Variants in ZNF346 observed in about 807,000 individuals in gnomAD.
ZNF346 encodes the protein zinc finger protein 346.
ZNF346 carries 23 observed loss-of-function variants against 33.7 expected under a neutral mutation model. The ratio of observed to expected loss-of-function variants is 0.68; its 90% confidence interval spans 0.49 to 0.97. The LOEUF (loss-of-function observed/expected upper bound fraction) is 0.97, where lower values mean the gene tolerates loss of function less well. ZNF346 is among the 50% of genes least tolerant of loss of function. ZNF346 has a pLI of 0.00. For synonymous variants in ZNF346, 134 were observed against 142.4 expected (o/e 0.94, Z 0.42); for missense variants, 340 against 371.1 (o/e 0.92, Z 0.69).
At chr5:177,053,135 G>C (rs559584188) in intron 5 of ZNF346, among the ~76,000 whole-genome samples, 1 of 152,086 alleles carries the variant, frequency 6.6e-6, no homozygotes, top group South Asian at 2.1e-4. Flanking sequence ...GGCCAATATG[G>C]TGAAACCCAG....
chr5:177,030,475 CG>C (rs1405509064), intron 1 of ZNF346, among the ~76,000 whole-genome samples: 1 of 151,678 alleles, frequency 6.6e-6, no homozygotes, highest in East Asian at 2.0e-4. Flanking sequence ...AAAAATTAGC[CG>C]GGCATGGTGG....
At chr5:177,057,836 A>ATTTAT (rs1312531106) in intron 5 of ZNF346, among the ~76,000 whole-genome samples, 22 of 150,132 alleles carry the variant, frequency 1.5e-4, no homozygotes. Flanking sequence ...TTATTTATTT[A>ATTTAT]TTGAGACAGA....
chr5:177,027,241 C>T (rs1344107337), intron 1 of ZNF346, among the ~76,000 whole-genome samples: 3 of 151,658 alleles, frequency 2.0e-5, no homozygotes, highest in Non-Finnish European at 2.9e-5. Context: ...TTCGTAGAGA[C>T]GGAGTTTCAC....
intron 1 of ZNF346, among the ~76,000 whole-genome samples, chr5:177,030,906 AT>A (rs760757696): frequency 0.018 from 1,905 of 103,514 alleles, 7 homozygotes; most frequent in African/African-American, 0.03. Flanking sequence ...GCTTAGTGTA[AT>A]TTTTTTTTTT....
At chr5:177,053,367 T>G (rs1322368121) in intron 5 of ZNF346, among the ~76,000 whole-genome samples, 1 of 148,602 alleles carries the variant, frequency 6.7e-6, no homozygotes, top group Admixed American at 6.8e-5. Flanking sequence ...CCTAAGCTGG[T>G]CATGAGCTCT....
At chr5:177,055,330 C>T (rs575882013) in intron 5 of ZNF346, among the ~76,000 whole-genome samples, 102 of 152,156 alleles carry the variant, frequency 6.7e-4, no homozygotes, top group African/African-American at 1.2e-3. Flanking sequence ...CCACCACACT[C>T]GGCCCTAATA....
intron 1 of ZNF346, among the ~76,000 whole-genome samples, chr5:177,037,944 T>C (rs1257604899): frequency 6.6e-6 from 1 of 152,188 alleles, no homozygotes; most frequent in African/African-American, 2.4e-5. Context: ...TTCACCATAT[T>C]CCAGGCATAG....
chr5:177,029,008 C>T (rs917851341), intron 1 of ZNF346, among the ~76,000 whole-genome samples: 3 of 151,484 alleles, frequency 2.0e-5, no homozygotes, highest in Non-Finnish European at 2.9e-5. Context: ...CGTGAGCCAC[C>T]GCACCCGGCC....
intron 6 of ZNF346, among the ~76,000 whole-genome samples, chr5:177,063,407 CCT>C (rs1782788519): frequency 6.6e-6 from 1 of 152,162 alleles, no homozygotes; most frequent in Non-Finnish European, 1.5e-5. Flanking sequence ...CCTGGAGTCT[CCT>C]CTCTCACACT....
intron 5 of ZNF346, among the ~76,000 whole-genome samples, chr5:177,060,989 G>A (rs757322757): frequency 6.6e-6 from 1 of 152,102 alleles, no homozygotes; most frequent in Non-Finnish European, 1.5e-5. Flanking sequence ...GCAGGCGCCT[G>A]TAGTCCCAGT....
rs555671908 is a variant in ZNF346 at position 177,067,767 on chromosome 5, A to C, written c.*3168A>C. Among the ~76,000 whole-genome samples, 1 of 152,254 alleles carries C rather than the reference A, an allele frequency of 6.6e-6. No homozygotes were observed. Among genetic ancestry groups the C allele is most frequent in the East Asian group, 1.9e-4 (1 of 5,176 alleles). ...AAGCTGGAGAGGTTGGAAAGCTAGC[A>C]TTTCATCTGCATAACAACCTTTGAG... On this transcript the variant is annotated 3_prime_UTR_variant, in exon 7 of 7. Transcript: ENST00000358149.
At chr5:177,064,258 GC>G (rs1395684337) in intron 6 of ZNF346, among the ~76,000 whole-genome samples, 2 of 152,232 alleles carry the variant, frequency 1.3e-5, no homozygotes, top group African/African-American at 4.8e-5. Context: ...CTTCGGGCCA[GC>G]CACTTAAGCT....
intron 3 of ZNF346, 105 bp from the exon 4 acceptor site, chr5:177,044,284 G>C (rs954004495): frequency 2.4e-6 from 3 of 1,255,156 alleles, no homozygotes; most frequent in Admixed American, 2.0e-5. Context: ...GTTAATGTGT[G>C]AGGGGGGCCA....
At chr5:177,051,470 C>T (rs1293688386) in intron 5 of ZNF346, among the ~76,000 whole-genome samples, 3 of 151,680 alleles carry the variant, frequency 2.0e-5, no homozygotes, top group Non-Finnish European at 2.9e-5. Flanking sequence ...CCACCGCGCC[C>T]AGCCCTCTTT....
At chr5:177,078,874 A>C (rs1056392920) in intron 8 of ZNF346, among the ~76,000 whole-genome samples, 1 of 152,090 alleles carries the variant, frequency 6.6e-6, no homozygotes, top group African/African-American at 2.4e-5. Flanking sequence ...ATGCCACTGC[A>C]CTCCAGCCTG....
At chr5:177,040,396 A>T (rs980211942) in intron 1 of ZNF346, among the ~76,000 whole-genome samples, 7 of 151,900 alleles carry the variant, frequency 4.6e-5, no homozygotes, top group African/African-American at 1.7e-4. Flanking sequence ...CCCAAGTTGG[A>T]GTTAGTGGCA....
At chr5:177,039,613 C>T (rs976478447) in intron 1 of ZNF346, among the ~76,000 whole-genome samples, 2 of 152,126 alleles carry the variant, frequency 1.3e-5, no homozygotes, top group African/African-American at 4.8e-5. Flanking sequence ...AGGCATGTGC[C>T]ACCACCCCCG....
intron 5 of ZNF346, 133 bp downstream of exon 5, chr5:177,051,069 C>T (rs557760655): frequency 3.1e-6 from 2 of 646,608 alleles, no homozygotes; most frequent in Admixed American, 5.6e-5. Context: ...CTACAGAAGC[C>T]AGATGAGAAA....
At chr5:177,062,214 A>G in intron 6 of ZNF346, 63 bp downstream of exon 6, 2 of 1,390,780 alleles carry the variant, frequency 1.4e-6, no homozygotes, top group Non-Finnish European at 2.0e-6. Flanking sequence ...CTGCATCAGA[A>G]CAAAGCCAGG....
Sources: gnomAD v4.1 joint callset for allele counts (sites outside exome capture counted in the v4.1 genomes callset) on GRCh38, gnomAD v4.1.1 for gene constraint, MANE v1.5 for transcripts, NCBI Gene and HGNC (gene_info 2026-07-23, HGNC 2026-07-21) for gene names.